Variants in RBM34 observed in about 807,000 individuals in gnomAD.
The protein encoded by RBM34 is RNA binding motif protein 34, also known as RNA-binding protein 34.
Under a neutral mutation model 44.6 loss-of-function variants are expected in RBM34, and 39 were observed. The observed-to-expected ratio is 0.87, with a 90% CI of 0.68 to 1.14. RBM34 has a LOEUF of 1.14. Among genes scored for constraint, RBM34 ranks in the 50% most tolerant of loss-of-function variants. The probability of loss-of-function intolerance (pLI) is 0.00; values close to 1 mark genes in which losing one functional copy is unlikely to be tolerated. For synonymous variants in RBM34, 194 were observed against 184.0 expected (o/e 1.05, Z -0.44); for missense variants, 572 against 517.9 (o/e 1.10, Z -1.01).
intron 3 of RBM34, among the ~76,000 whole-genome samples, chr1:235,155,973 C>T (rs1349842878): frequency 2.7e-5 from 4 of 148,086 alleles, no homozygotes; most frequent in East Asian, 2.0e-4. Context: ...TGGTTCACAA[C>T]GATTCTTTTG....
intron 3 of RBM34, among the ~76,000 whole-genome samples, chr1:235,159,643 G>C (rs1225030432): frequency 2.0e-5 from 3 of 151,918 alleles, no homozygotes; most frequent in African/African-American, 4.8e-5. Flanking sequence ...GCTGAGGTGG[G>C]TGGATCACCT....
intron 5 of RBM34, among the ~76,000 whole-genome samples, chr1:235,148,811 G>C (rs916128084): frequency 7.9e-5 from 12 of 152,006 alleles, no homozygotes; most frequent in African/African-American, 2.9e-4. Flanking sequence ...GGTTAGCCAG[G>C]ATGGTCTCGA....
At chr1:235,145,824 C>A (rs1197392902) in intron 6 of RBM34, among the ~76,000 whole-genome samples, 3 of 152,124 alleles carry the variant, frequency 2.0e-5, no homozygotes, top group Non-Finnish European at 4.4e-5. Context: ...TCTTGCTTGT[C>A]GCTCAGGCTA....
At chr1:235,136,005 T>A (rs1441798731) in intron 9 of RBM34, 29 bp downstream of exon 9, 2 of 1,505,294 alleles carry the variant, frequency 1.3e-6, no homozygotes, top group Non-Finnish European at 1.8e-6. Flanking sequence ...TTTAGTAATA[T>A]TAACTGTACT....
chr1:235,158,822 A>C (rs558916695), intron 3 of RBM34, among the ~76,000 whole-genome samples: 4 of 152,116 alleles, frequency 2.6e-5, no homozygotes, highest in Non-Finnish European at 5.9e-5. Context: ...TACACTGTTA[A>C]ACAACGTTAT....
rs1347926912 is a variant in RBM34 at position 235,137,279 on chromosome 1, A to G, written c.849+598T>C. Among the ~76,000 whole-genome samples, 3 of 152,226 alleles carry G rather than the reference A, an allele frequency of 2.0e-5. No homozygotes were observed. The East Asian group carries it at 5.8e-4, about 29-fold the overall frequency. Reference sequence around the variant, plus strand: ...GTGTGTACTAAAAACTGTCTAATGAATAATTGAACTTTCTAGACCTCGGTC... The same window carrying G: ...GTGTGTACTAAAAACTGTCTAATGAGTAATTGAACTTTCTAGACCTCGGTC... On this transcript the variant is annotated intron_variant, in intron 8 of 10. Coordinates refer to ENST00000408888, the MANE Select transcript of RBM34 (RefSeq NM_015014.4).
At position 235,148,455 on chromosome 1, in the gene RBM34, G is replaced by T; in HGVS notation, c.658-8C>A. 1 of 1,562,630 alleles carries T rather than the reference G, an allele frequency of 6.4e-7. No homozygotes were observed. On this transcript the variant is annotated splice_region_variant and splice_polypyrimidine_tract_variant and intron_variant, in intron 5 of 10. Coordinates refer to ENST00000408888, the MANE Select transcript of RBM34 (RefSeq NM_015014.4). Reference sequence around the variant, plus strand: ...CGTTCCCTCTGCTGGAATCTTTCAAGAGAAAAAAAAAAGTATTAAAGACAG... The same window carrying T: ...CGTTCCCTCTGCTGGAATCTTTCAATAGAAAAAAAAAAGTATTAAAGACAG...
intron 5 of RBM34, among the ~76,000 whole-genome samples, chr1:235,150,867 G>A (rs1048511864): frequency 1.3e-5 from 2 of 152,188 alleles, no homozygotes; most frequent in African/African-American, 2.4e-5. Context: ...AGAGACTGGG[G>A]AGAATCAAGG....
intron 3 of RBM34, among the ~76,000 whole-genome samples, chr1:235,158,831 A>G (rs1572171671): frequency 1.3e-5 from 2 of 152,274 alleles, no homozygotes; most frequent in Non-Finnish European, 2.9e-5. Flanking sequence ...AAACAACGTT[A>G]TGCTGGCCGG....
intron 5 of RBM34, among the ~76,000 whole-genome samples, chr1:235,149,388 CAAAAAAAAAA>C: frequency 1.7e-5 from 1 of 57,998 alleles, no homozygotes; most frequent in Admixed American, 1.8e-4. Flanking sequence ...GACTCCGTCT[CAAAAAAAAAA>C]AAAAAAAAAG....
intron 10 of RBM34, among the ~76,000 whole-genome samples, chr1:235,135,067 C>T (rs1416520988): frequency 1.5e-5 from 2 of 131,706 alleles, no homozygotes; most frequent in East Asian, 2.3e-4. Context: ...TTTTTTGAAA[C>T]GGAGTCTTGC....
intron 6 of RBM34, among the ~76,000 whole-genome samples, chr1:235,141,612 A>G (rs1173483697): frequency 5.3e-5 from 8 of 151,678 alleles, no homozygotes; most frequent in Admixed American, 3.3e-4. Context: ...TTGTCCTTTC[A>G]CTCTTTGCAA....
intron 4 of RBM34, among the ~76,000 whole-genome samples, chr1:235,154,074 G>T (rs188629839): frequency 6.6e-6 from 1 of 151,878 alleles, no homozygotes; most frequent in Non-Finnish European, 1.5e-5. Flanking sequence ...GTGAAACCCC[G>T]TCTCTACTAA....
chr1:235,160,792 C>A, intron 2 of RBM34, 101 bp downstream of exon 2: 1 of 1,529,646 alleles, frequency 6.5e-7, no homozygotes, highest in Non-Finnish European at 8.9e-7. Flanking sequence ...TGAATCCTGT[C>A]TGCCCCCTTT....
At chr1:235,154,426 C>T (rs4660042) in intron 4 of RBM34, among the ~76,000 whole-genome samples, 64,138 of 148,810 alleles carry the variant, frequency 0.43, 14,142 homozygotes, top group South Asian at 0.6. Context: ...TAGCCAGGCA[C>T]GGTGGCGTGC....
intron 6 of RBM34, among the ~76,000 whole-genome samples, chr1:235,147,682 G>C (rs1661961764): frequency 6.6e-6 from 1 of 152,136 alleles, no homozygotes; most frequent in African/African-American, 2.4e-5. Context: ...GATGTCCAAA[G>C]GGACTGTTGC....
intron 3 of RBM34, chr1:235,160,026 G>A (rs1186396166): frequency 4.4e-6 from 1 of 229,170 alleles, no homozygotes; most frequent in Non-Finnish European, 9.0e-6. Context: ...GGCCGAGGTG[G>A]GCAGATCGCT....
At chr1:235,148,249 T>A (rs2102847382) in intron 6 of RBM34, among the ~76,000 whole-genome samples, 155 bp downstream of exon 6, 1 of 152,254 alleles carries the variant, frequency 6.6e-6, no homozygotes, top group East Asian at 1.9e-4. Flanking sequence ...ACGTGACAAA[T>A]CTAAAGGCTC....
At chr1:235,153,684 C>T (rs1375833974) in intron 4 of RBM34, among the ~76,000 whole-genome samples, 6 of 152,110 alleles carry the variant, frequency 3.9e-5, no homozygotes, top group African/African-American at 1.4e-4. Flanking sequence ...CCTTGGCCTT[C>T]CAGAGTGCTG....
Sources: gnomAD v4.1 joint callset for allele counts (sites outside exome capture counted in the v4.1 genomes callset) on GRCh38, gnomAD v4.1.1 for gene constraint, MANE v1.5 for transcripts, NCBI Gene and HGNC (gene_info 2026-07-23, HGNC 2026-07-21) for gene names.